Variants in MYO5B observed in about 807,000 individuals in gnomAD.
MYO5B encodes unconventional myosin-Vb.
In MYO5B, 143 loss-of-function variants were observed where a neutral mutation model predicts 229.3. The observed-to-expected ratio is 0.62, with a 90% CI of 0.54 to 0.72. The LOEUF is 0.72. Ranked by LOEUF, MYO5B falls within the 30% of genes least tolerant of loss-of-function variation. MYO5B has a pLI of 0.00. For missense variants in MYO5B, 2,321 were observed against 2,331.0 expected, an observed-to-expected ratio of 1.00 and a Z score of 0.09; for synonymous variants, 918 against 885.2, an observed-to-expected ratio of 1.04 and a Z score of -0.66.
intron 33 of MYO5B, among the ~76,000 whole-genome samples, chr18:49,845,594 T>C (rs1349952983): frequency 6.6e-6 from 1 of 152,210 alleles, no homozygotes; most frequent in African/African-American, 2.4e-5. Context: ...CTTCACATCA[T>C]GGGGCAGGCA....
At chr18:49,918,147 C>A (rs915660491) in intron 17 of MYO5B, among the ~76,000 whole-genome samples, 1 of 152,236 alleles carries the variant, frequency 6.6e-6, no homozygotes, top group Non-Finnish European at 1.5e-5. Flanking sequence ...AGGTCCCATA[C>A]AGAGCCTAAC....
chr18:49,990,528 A>T lies in MYO5B; in HGVS notation c.757-8T>A, dbSNP rs2025919313. ...ATTCCTCTCATCATCTGCCTGGAGG[A>T]GGAAGAAGTGAAGCAGTTTTAGGGC... On this transcript the variant is annotated splice_polypyrimidine_tract_variant and splice_region_variant and intron_variant, in intron 6 of 39. Transcript: ENST00000285039. The T allele has an allele frequency of 6.2e-7, 1 of 1,612,354 alleles. No individual in the cohort carries two copies. Among genetic ancestry groups the T allele is most frequent in the Non-Finnish European group, 8.5e-7 (1 of 1,178,682 alleles).
At chr18:50,025,693 C>A (rs2026323432) in intron 4 of MYO5B, among the ~76,000 whole-genome samples, 1 of 152,186 alleles carries the variant, frequency 6.6e-6, no homozygotes, top group Non-Finnish European at 1.5e-5. Flanking sequence ...ATGGCCTGCA[C>A]TCTCAGTTAT....
chr18:50,014,890 T>TGATGCTCAAGTAAGGGACC (rs1424508365), intron 4 of MYO5B, among the ~76,000 whole-genome samples: 8 of 152,192 alleles, frequency 5.3e-5, no homozygotes, highest in Non-Finnish European at 1.2e-4. Flanking sequence ...CTTGAGGGAC[T>TGATGCTCAAGTAAGGGACC]GATGCTCAAG....
At chr18:50,043,520 TATATAA>T (rs1290061244) in intron 2 of MYO5B, among the ~76,000 whole-genome samples, 8 of 98,000 alleles carry the variant, frequency 8.2e-5, no homozygotes, top group African/African-American at 3.3e-4. Flanking sequence ...TATTTATAAG[TATATAA>T]ATATATTTTA....
intron 4 of MYO5B, among the ~76,000 whole-genome samples, chr18:50,032,408 T>C (rs1328590075): frequency 6.6e-6 from 1 of 152,226 alleles, no homozygotes; most frequent in Non-Finnish European, 1.5e-5. Flanking sequence ...GTAAATCTAC[T>C]TTCTGTCTCT....
chr18:50,085,129 C>T (rs2031303471), intron 1 of MYO5B, among the ~76,000 whole-genome samples: 1 of 152,256 alleles, frequency 6.6e-6, no homozygotes, highest in South Asian at 2.1e-4. Flanking sequence ...GAACAGGCAA[C>T]CTACAGAATG....
chr18:50,176,713 G>A (rs149369860), intron 1 of MYO5B, among the ~76,000 whole-genome samples: 11 of 152,262 alleles, frequency 7.2e-5, no homozygotes, highest in Non-Finnish European at 1.5e-4. Context: ...AATTGTTGTC[G>A]TGATAATTAA....
In MYO5B at chr18:49,904,757, C is replaced by T. The variant is rs772273050; in HGVS notation, c.2486G>A (p.Arg829His). The change falls in exon 20 of 40, where the codon CGC (arginine) becomes CAC (histidine). Residue 829 changes from arginine to histidine, a missense_variant. Arg to His is a conservative substitution (Grantham distance 29). Around this residue, in one of 2 missense-constraint regions of MYO5B, gnomAD observed 2,113 missense variants for 2,044.7 expected, o/e 1.03. Coordinates refer to ENST00000285039, the MANE Select transcript of MYO5B (RefSeq NM_001080467.3). ...TCTGCGGACCCTCTGGTAGGCCTGG[C>T]GGGCCCTCTGCATGCGGTAATGTTT... Reference protein sequence around the residue: ...LQKHYRMQRARQAYQRVRRAA... With the variant: ...LQKHYRMQRAHQAYQRVRRAA... 50 of 1,613,862 alleles carry T rather than the reference C, an allele frequency of 3.1e-5. No individual in the cohort carries two copies. The highest frequency in any genetic ancestry group is 1.6e-4 in the Middle Eastern group (1 of 6,084).
In MYO5B at chr18:50,134,425, G is replaced by A. The variant is rs28648387; in HGVS notation, c.27+60342C>T. On this transcript the variant is annotated intron_variant, in intron 1 of 39. Transcript: ENST00000285039. ...AAAAACTTAGCCAGGTGTGGTGGCA[G>A]GTACCTGTAATCCCAGCTACTCGGG... Among the ~76,000 whole-genome samples, 768 of 151,994 alleles carry A rather than the reference G, an allele frequency of 5.1e-3. 2 individuals are homozygous for A. Among genetic ancestry groups the A allele is most frequent in the African/African-American group, 0.018 (740 of 41,436 alleles).
At chr18:50,036,817 T>C (rs1205258627) in intron 4 of MYO5B, 33 bp downstream of exon 4, 1 of 1,613,510 alleles carries the variant, frequency 6.2e-7, no homozygotes, top group South Asian at 1.1e-5. Flanking sequence ...CACTGACTAC[T>C]CAGGAGGACT....
chr18:50,048,281 A>G (rs747331185), intron 2 of MYO5B, among the ~76,000 whole-genome samples: 1 of 152,190 alleles, frequency 6.6e-6, no homozygotes, highest in Non-Finnish European at 1.5e-5. Flanking sequence ...CAGGCACTCA[A>G]TTACTTGAAA....
chr18:50,194,988 G>T lies in MYO5B; in HGVS notation c.-195C>A. On this transcript the variant is annotated 5_prime_UTR_variant, in exon 1 of 40. Transcript: ENST00000285039. ...TCCCGGCGGCGCGACCTTTACTCCC[G>T]CCGCGGCGGCGCAGCTACGGCCGGA... 1.4e-6 allele frequency: 1 copy of T among 727,510 alleles called. No homozygotes were observed. Among genetic ancestry groups the T allele is most frequent in the Non-Finnish European group, 1.9e-6 (1 of 537,872 alleles). The allele number at this position is 727,510 out of a possible 1,614,324, so 45.1% of individuals were successfully genotyped here.
chr18:49,831,681 G>A (rs1169073717), intron 39 of MYO5B, among the ~76,000 whole-genome samples: 1 of 152,138 alleles, frequency 6.6e-6, no homozygotes, highest in Non-Finnish European at 1.5e-5. Flanking sequence ...TGGTATAGCT[G>A]CTGTGGAAAA....
At position 49,875,673 on chromosome 18, in the gene MYO5B, G is replaced by A; in HGVS notation, c.3537+14C>T. 1 of 1,613,998 alleles carries A rather than the reference G, an allele frequency of 6.2e-7. No homozygotes were observed. Among genetic ancestry groups the A allele is most frequent in the African/African-American group, 1.3e-5 (1 of 75,022 alleles). On this transcript the variant is annotated intron_variant, in intron 26 of 39. Coordinates refer to ENST00000285039, the MANE Select transcript of MYO5B (RefSeq NM_001080467.3). The stretch of plus-strand genomic sequence containing the variant: ...ATCCAAGCACCATAAGAGCACTGCA[G>A]CCCCTTCACGTACCTGGACTTTCTT...
chr18:50,142,550 T>C (rs759749120), intron 1 of MYO5B, among the ~76,000 whole-genome samples: 1 of 152,196 alleles, frequency 6.6e-6, no homozygotes, highest in Non-Finnish European at 1.5e-5. Flanking sequence ...TGTGTTGTCA[T>C]TTTAAAACCA....
intron 1 of MYO5B, among the ~76,000 whole-genome samples, chr18:50,057,033 A>G (rs1340737247): frequency 6.6e-6 from 1 of 152,256 alleles, no homozygotes; most frequent in African/African-American, 2.4e-5. Flanking sequence ...AAAATAATAT[A>G]GAGCTTTAAA....
chr18:50,164,058 CT>C (rs766786202), intron 1 of MYO5B, among the ~76,000 whole-genome samples: 34 of 152,194 alleles, frequency 2.2e-4, no homozygotes, highest in Non-Finnish European at 3.7e-4. Flanking sequence ...TTAAGTGTCT[CT>C]TTTCTGCATA....
intron 7 of MYO5B, among the ~76,000 whole-genome samples, chr18:49,989,531 G>C (rs999979678): frequency 3.9e-5 from 6 of 152,078 alleles, no homozygotes; most frequent in Non-Finnish European, 7.4e-5. Flanking sequence ...TGGGCTCAAG[G>C]CTTGCCCTCT....
Sources: gnomAD v4.1 joint callset for allele counts (sites outside exome capture counted in the v4.1 genomes callset) on GRCh38, gnomAD v4.1.1 for gene constraint, gnomAD v4.1.1 regional missense constraint, MANE v1.5 for transcripts, NCBI Gene and HGNC (gene_info 2026-07-23, HGNC 2026-07-21) for gene names.